The following UNC13C variants were observed in gnomAD, a reference collection of about 807,000 sequenced individuals.
UNC13C encodes the protein unc-13 homolog C.
A neutral mutation model predicts 245.4 loss-of-function variants in UNC13C; 174 were observed. The ratio of observed to expected loss-of-function variants is 0.71; its 90% CI spans 0.63 to 0.80. The LOEUF is 0.80. Among genes scored for constraint, UNC13C ranks in the 30% least tolerant of loss-of-function variants. The pLI is 0.00. For missense variants in UNC13C, 2,829 were observed against 2,602.9 expected (o/e 1.09, Z -1.89); for synonymous variants, 992 against 895.1 (o/e 1.11, Z -1.93).
intron 17 of UNC13C, among the ~76,000 whole-genome samples, chr15:54,367,966 T>C (rs2039402240): frequency 6.6e-6 from 1 of 152,098 alleles, no homozygotes; most frequent in Non-Finnish European, 1.5e-5. Context: ...ACTCTGGAAC[T>C]CAGAACAAAT....
At chr15:54,525,040 T>C (rs982026063) in intron 24 of UNC13C, among the ~76,000 whole-genome samples, 3 of 152,172 alleles carry the variant, frequency 2.0e-5, no homozygotes, top group Non-Finnish European at 4.4e-5. Context: ...GTCTATCCTA[T>C]TACTCTTAAT....
At chr15:54,082,570 A>G (rs1042409825) in intron 2 of UNC13C, among the ~76,000 whole-genome samples, 2 of 151,954 alleles carry the variant, frequency 1.3e-5, no homozygotes, top group African/African-American at 4.8e-5. Context: ...TTTATCTGTC[A>G]TTTTAGACTT....
At chr15:54,489,582 G>A (rs1267640641) in intron 19 of UNC13C, among the ~76,000 whole-genome samples, 2 of 152,130 alleles carry the variant, frequency 1.3e-5, no homozygotes, top group East Asian at 3.9e-4. Context: ...TAATAAGTGG[G>A]TATTAAGCTT....
At chr15:53,842,104 T>C in the UNC13C span, among the ~76,000 whole-genome samples, 1 of 152,292 alleles carries the variant, frequency 6.6e-6, no homozygotes, top group African/African-American at 2.4e-5. Flanking sequence ...TAAAGTGCTT[T>C]TCTTTGACAC....
At chr15:54,423,672 G>C (rs922257763) in intron 19 of UNC13C, among the ~76,000 whole-genome samples, 3 of 151,838 alleles carry the variant, frequency 2.0e-5, no homozygotes, top group African/African-American at 7.2e-5. Context: ...TATAGTAAGA[G>C]TTCAATCAAG....
rs371043216 is a variant in UNC13C at position 54,436,839 on chromosome 15, TAAAAAG to T, written c.4933+21778_4933+21783del. Among the ~76,000 whole-genome samples, 182 of 151,622 alleles carry T rather than the reference TAAAAAG, an allele frequency of 1.2e-3. No homozygotes were observed. In the East Asian group the frequency reaches 0.018, roughly 15 times the overall value. On this transcript the variant is annotated intron_variant, in intron 19 of 32. Coordinates refer to ENST00000260323, the MANE Select transcript of UNC13C (RefSeq NM_001080534.3). ...AGAACTTAAAGTAAAATTAAGAAAATAAAAAGAAAAATTTAGAACAATAAAAGGAAT... is the reference window on the plus strand; with the variant it reads ...AGAACTTAAAGTAAAATTAAGAAAATAAAAATTTAGAACAATAAAAGGAAT...
At position 53,989,937 on chromosome 15, in the gene UNC13C, A is replaced by G. The variant is rs79848903; in HGVS notation, c.-257+11010A>G. Among the ~76,000 whole-genome samples, 351 of 152,064 alleles carry G rather than the reference A, an allele frequency of 2.3e-3. 2 individuals carry two copies. Among genetic ancestry groups the G allele is most frequent in the African/African-American group, 8.1e-3 (335 of 41,524 alleles). On this transcript the variant is annotated intron_variant, in intron 1 of 32. Coordinates refer to ENST00000260323, the MANE Select transcript of UNC13C (RefSeq NM_001080534.3). ...AAACCAGAGGAAAAAATGGGTGAAG[A>G]GTCTGACATGATTCCATATTTATGT...
At chr15:53,891,316 G>A in the UNC13C span, among the ~76,000 whole-genome samples, 1 of 152,160 alleles carries the variant, frequency 6.6e-6, no homozygotes, top group African/African-American at 2.4e-5. Flanking sequence ...GTGCGATGAG[G>A]TGCTGAGAAG....
At chr15:54,430,423 C>T (rs556558903) in intron 19 of UNC13C, among the ~76,000 whole-genome samples, 4 of 151,676 alleles carry the variant, frequency 2.6e-5, no homozygotes, top group Middle Eastern at 3.4e-3. Context: ...ATGCTTCTTT[C>T]GTATTGAATT....
the UNC13C span, among the ~76,000 whole-genome samples, chr15:53,962,630 C>T: frequency 6.6e-6 from 1 of 152,124 alleles, no homozygotes; most frequent in Non-Finnish European, 1.5e-5. Flanking sequence ...AAGAGACAAA[C>T]TTATAAGATG....
At chr15:54,472,947 A>G (rs1362197278) in intron 19 of UNC13C, among the ~76,000 whole-genome samples, 1 of 151,798 alleles carries the variant, frequency 6.6e-6, no homozygotes, top group Non-Finnish European at 1.5e-5. Context: ...TTGGAATATG[A>G]ATGATCCCAT....
At chr15:54,017,845 G>A (rs1201201588) in intron 2 of UNC13C, among the ~76,000 whole-genome samples, 2 of 152,114 alleles carry the variant, frequency 1.3e-5, no homozygotes, top group Admixed American at 6.6e-5. Context: ...CTGCATATGA[G>A]GCCTGGCTAT....
chr15:53,933,253 T>C, the UNC13C span, among the ~76,000 whole-genome samples: 1 of 152,188 alleles, frequency 6.6e-6, no homozygotes, highest in Non-Finnish European at 1.5e-5. Context: ...ACAAAAATCT[T>C]ATTACTTTGT....
intron 2 of UNC13C, among the ~76,000 whole-genome samples, chr15:54,038,173 G>GC (rs1896671397): frequency 8.1e-6 from 1 of 123,572 alleles, no homozygotes; most frequent in Non-Finnish European, 1.6e-5. Flanking sequence ...ACAAGCTGGA[G>GC]TACAGTGGTG....
At chr15:54,394,709 G>A (rs1567236380) in intron 18 of UNC13C, among the ~76,000 whole-genome samples, 2 of 151,780 alleles carry the variant, frequency 1.3e-5, no homozygotes, top group East Asian at 1.9e-4. Context: ...AAGAAACTTT[G>A]GCTTTAATAA....
chr15:54,531,642 C>CTT (rs557349442), intron 25 of UNC13C, among the ~76,000 whole-genome samples: 188 of 143,592 alleles, frequency 1.3e-3, no homozygotes, highest in African/African-American at 4.3e-3. Flanking sequence ...AAGAGTGTTT[C>CTT]TTTTTTTTTT....
intron 4 of UNC13C, among the ~76,000 whole-genome samples, chr15:54,156,228 C>G (rs1281572854): frequency 2.0e-5 from 3 of 152,136 alleles, no homozygotes. Flanking sequence ...CAGGTGCACT[C>G]AGGCATAGCA....
intron 30 of UNC13C, among the ~76,000 whole-genome samples, chr15:54,580,177 G>A (rs1266253646): frequency 6.6e-6 from 1 of 152,212 alleles, no homozygotes; most frequent in African/African-American, 2.4e-5. Flanking sequence ...GACCAATGGG[G>A]TCAGTGGCGT....
At chr15:54,127,049 G>A (rs1420281324) in intron 2 of UNC13C, among the ~76,000 whole-genome samples, 4 of 152,132 alleles carry the variant, frequency 2.6e-5, no homozygotes, top group South Asian at 2.1e-4. Context: ...AAAAAGTCAG[G>A]AAACAATAGG....
Sources: allele counts gnomAD v4.1 joint callset (sites outside exome capture counted in the v4.1 genomes callset), GRCh38; gene constraint gnomAD v4.1.1; transcripts MANE v1.5; gene names NCBI Gene and HGNC (gene_info 2026-07-23, HGNC 2026-07-21).